Variants in PDIA5 observed in about 807,000 individuals in gnomAD.
PDIA5 encodes protein disulfide isomerase family A member 5.
Under a neutral mutation model 77.6 loss-of-function variants are expected in PDIA5, and 58 were observed. The ratio of observed to expected loss-of-function variants is 0.75; its 90% CI spans 0.61 to 0.93. The LOEUF is 0.93. PDIA5 is among the 40% of genes least tolerant of loss of function. PDIA5 has a pLI of 0.00. For missense variants in PDIA5, 630 were observed against 647.7 expected (o/e 0.97, Z 0.30); for synonymous variants, 250 against 252.1 (o/e 0.99, Z 0.08).
intron 3 of PDIA5, 151 bp from the exon 4 acceptor site, chr3:123,102,260 G>A: frequency 1.5e-6 from 1 of 656,064 alleles, no homozygotes; most frequent in Non-Finnish European, 2.8e-6. Context: ...CCACCCTCTA[G>A]CTCTCACAGC....
chr3:123,142,529 T>C (rs1935665022), intron 11 of PDIA5, among the ~76,000 whole-genome samples: 2 of 152,240 alleles, frequency 1.3e-5, no homozygotes, highest in South Asian at 4.1e-4. Context: ...GGATCCCAAG[T>C]GGGGTCTAGT....
At chr3:123,134,066 C>G (rs139956961) in intron 11 of PDIA5, among the ~76,000 whole-genome samples, 505 of 151,722 alleles carry the variant, frequency 3.3e-3, no homozygotes, top group African/African-American at 0.011. Context: ...CTCTGTCACT[C>G]AGGCTGGAGT....
chr3:123,119,686 T>A (rs111673501), intron 8 of PDIA5, among the ~76,000 whole-genome samples: 18 of 152,300 alleles, frequency 1.2e-4, no homozygotes, highest in African/African-American at 4.1e-4. Flanking sequence ...TTGCTTTTTG[T>A]CTTCACACAC....
chr3:123,145,242 G>T, intron 11 of PDIA5: 1 of 376,630 alleles, frequency 2.7e-6, no homozygotes, highest in Non-Finnish European at 4.7e-6. Context: ...CCTACTTTGT[G>T]GGGTAGTTAT....
chr3:123,123,388 T>C (rs1310535344), intron 8 of PDIA5, among the ~76,000 whole-genome samples: 5 of 152,176 alleles, frequency 3.3e-5, no homozygotes, highest in African/African-American at 1.2e-4. Context: ...AATTCTGAGA[T>C]GATGATCCAG....
chr3:123,103,221 A>G (rs571534654), intron 5 of PDIA5, among the ~76,000 whole-genome samples: 49 of 152,338 alleles, frequency 3.2e-4, no homozygotes, highest in Non-Finnish European at 6.5e-4. Flanking sequence ...CAGATGAGAT[A>G]TGGGTATCAT....
intron 8 of PDIA5, among the ~76,000 whole-genome samples, chr3:123,120,870 G>T (rs1935098765): frequency 1.3e-5 from 2 of 150,320 alleles, no homozygotes; most frequent in Admixed American, 6.6e-5. Flanking sequence ...TCCTCTCCCT[G>T]CCCACCAGCC....
intron 13 of PDIA5, among the ~76,000 whole-genome samples, chr3:123,147,564 C>T (rs1935798433): frequency 6.6e-6 from 1 of 152,140 alleles, no homozygotes; most frequent in Non-Finnish European, 1.5e-5. Flanking sequence ...TGTGGAATGG[C>T]AGCAAAGTTG....
At chr3:123,075,995 G>A (rs1171052376) in intron 1 of PDIA5, among the ~76,000 whole-genome samples, 1 of 152,170 alleles carries the variant, frequency 6.6e-6, no homozygotes, top group Non-Finnish European at 1.5e-5. Flanking sequence ...CTTGGCCTGA[G>A]CATGTGCTTT....
chr3:123,134,137 C>T (rs1205477074), intron 11 of PDIA5, among the ~76,000 whole-genome samples: 1 of 152,164 alleles, frequency 6.6e-6, no homozygotes, highest in African/African-American at 2.4e-5. Flanking sequence ...GATCCTCCCA[C>T]CTCAGCCTCC....
intron 1 of PDIA5, among the ~76,000 whole-genome samples, chr3:123,071,311 C>G (rs925301580): frequency 6.6e-6 from 1 of 152,100 alleles, no homozygotes; most frequent in Non-Finnish European, 1.5e-5. Context: ...AAATCGGGTT[C>G]TTCCCACTCA....
rs369626890 is a variant in PDIA5 at position 123,097,691 on chromosome 3, C to T, written c.258-4720C>T. ...TTTCTTGCTCAGCACTCGCCCCCGC[C>T]CCCTCCCCCTCCATTTTCTTCATGT... On this transcript the variant is annotated intron_variant, in intron 3 of 16. Transcript: ENST00000316218. Among the ~76,000 whole-genome samples, 842 of 152,082 alleles carry T rather than the reference C, an allele frequency of 5.5e-3. 14 individuals carry two copies. Among genetic ancestry groups the T allele is most frequent in the African/African-American group, 0.019 (787 of 41,422 alleles).
Position 123,106,802 on chromosome 3 carries a change from T to C in PDIA5, c.441T>C (p.Asp147=), listed in dbSNP as rs753796598. ...AAGGGCCCCCACTGTGGGAGGAAGA[T>C]CCTGGAGCCAAAGATGTTGTCCACC... The part of the protein sequence containing the change: ...DPKGPPLWEE[D]PGAKDVVHLD... Residue 147 remains aspartate, a synonymous_variant, in exon 6 of 17, where the codon GAT becomes GAC. Transcript: ENST00000316218. 4 of 1,612,680 alleles carry C rather than the reference T, an allele frequency of 2.5e-6. No individual in the cohort carries two copies. The East Asian group carries it at 6.7e-5, about 27-fold the overall frequency.
At chr3:123,161,627 G>A in intron 16 of PDIA5, 172 bp downstream of exon 16, 1 of 730,126 alleles carries the variant, frequency 1.4e-6, no homozygotes, top group South Asian at 1.8e-5. Context: ...ATTGTTGGAG[G>A]AGAGTCCCAA....
At chr3:123,093,880 C>T (rs948883991) in intron 3 of PDIA5, among the ~76,000 whole-genome samples, 1 of 152,224 alleles carries the variant, frequency 6.6e-6, no homozygotes, top group African/African-American at 2.4e-5. Flanking sequence ...AGTGCCCTGG[C>T]TTTCCCTGCA....
chr3:123,108,879 C>T (rs1046121308), intron 6 of PDIA5, among the ~76,000 whole-genome samples: 2 of 150,052 alleles, frequency 1.3e-5, no homozygotes, highest in Non-Finnish European at 2.9e-5. Context: ...GGGCGAGACT[C>T]CTTCTCAAAA....
At chr3:123,072,375 G>GAAAGT (rs1933744549) in intron 1 of PDIA5, among the ~76,000 whole-genome samples, 1 of 152,220 alleles carries the variant, frequency 6.6e-6, no homozygotes, top group South Asian at 2.1e-4. Context: ...CTTGGCACGT[G>GAAAGT]AAAGTGCCCA....
chr3:123,145,791 G>A (rs1004226079), intron 12 of PDIA5, among the ~76,000 whole-genome samples, 199 bp downstream of exon 12: 3 of 152,196 alleles, frequency 2.0e-5, no homozygotes, highest in African/African-American at 2.4e-5. Context: ...CCATGTTCCC[G>A]TGCCCATCCA....
rs77848254 is a variant in PDIA5, at chr3:123,120,393, G to A, written c.610-3673G>A. Among the ~76,000 whole-genome samples the A allele has an allele frequency of 2.3e-4, 35 of 152,234 alleles. No individual in the cohort carries two copies. In the East Asian group the frequency reaches 6.8e-3, roughly 30 times the overall value. On this transcript the variant is annotated intron_variant, in intron 8 of 16. Transcript: ENST00000316218. ...ACTGGGTTGTGGTGAGGAACAAATG[G>A]GCTGTGTGGAAGAAGCCCTGTACCC...
Sources: allele counts gnomAD v4.1 joint callset (sites outside exome capture counted in the v4.1 genomes callset), GRCh38; gene constraint gnomAD v4.1.1; transcripts MANE v1.5; gene names NCBI Gene and HGNC (gene_info 2026-07-23, HGNC 2026-07-21).